Variants in CDYL observed in about 807,000 individuals in gnomAD.
CDYL encodes the protein chromodomain Y-like protein.
In CDYL, 8 loss-of-function variants were observed where a neutral mutation model predicts 47.3. The observed-to-expected ratio is 0.17, with a 90% CI of 0.10 to 0.31. The LOEUF (loss-of-function observed/expected upper bound fraction) is 0.31, where lower values mean the gene tolerates loss of function less well. Among genes scored for constraint, CDYL ranks in the 10% least tolerant of loss-of-function variants. The probability of loss-of-function intolerance (pLI) is 1.00; values close to 1 mark genes in which losing one functional copy is unlikely to be tolerated. For synonymous variants in CDYL, 266 were observed against 265.0 expected, an observed-to-expected ratio of 1.00 and a Z score of -0.04; for missense variants, 471 against 701.4, an observed-to-expected ratio of 0.67 and a Z score of 3.71.
intron 1 of CDYL, among the ~76,000 whole-genome samples, chr6:4,789,786 C>T (rs1351185110): frequency 6.6e-6 from 1 of 152,214 alleles, no homozygotes; most frequent in East Asian, 1.9e-4. Flanking sequence ...TCACCTGCCC[C>T]TGGGTAGGGC....
At position 4,863,401 on chromosome 6, in the gene CDYL, G is replaced by A. The variant is rs141284030; in HGVS notation, c.25-28312G>A. 1.1e-4 allele frequency among the ~76,000 whole-genome samples: 16 copies of A among 152,034 alleles called. 1 individual carries two copies. The highest frequency in any genetic ancestry group is 3.9e-4 in the East Asian group (2 of 5,182). ...ACTACCTCTTCCCCTTCTTTGCCTC[G>A]CTTTTCGTGGCAAAAATAGAAAAAA... On this transcript the variant is annotated intron_variant, in intron 1 of 6. Transcript: ENST00000397588.
intron 3 of CDYL, among the ~76,000 whole-genome samples, chr6:4,748,520 G>T (rs1455703613): frequency 1.3e-5 from 2 of 152,062 alleles, no homozygotes; most frequent in Admixed American, 6.6e-5. Context: ...ACAGGAGTAT[G>T]ATGGCATTGG....
At chr6:4,873,180 C>T (rs1413693398) in intron 1 of CDYL, among the ~76,000 whole-genome samples, 2 of 152,148 alleles carry the variant, frequency 1.3e-5, no homozygotes, top group East Asian at 1.9e-4. Context: ...CTTGTTAGAA[C>T]AAAACACTAG....
chr6:4,933,005 C>T (rs1355855478), intron 2 of CDYL, among the ~76,000 whole-genome samples: 1 of 152,200 alleles, frequency 6.6e-6, no homozygotes, highest in Non-Finnish European at 1.5e-5. Context: ...CTTCTGCATT[C>T]TCCTCCACCT....
chr6:4,729,187 C>T (rs1360824537), intron 2 of CDYL, among the ~76,000 whole-genome samples: 1 of 152,142 alleles, frequency 6.6e-6, no homozygotes, highest in Non-Finnish European at 1.5e-5. Context: ...AACACACAAA[C>T]CCAGCTCTGT....
intron 2 of CDYL, among the ~76,000 whole-genome samples, chr6:4,717,703 CAAAAAAAAAAAAAA>C (rs200835710): frequency 9.7e-4 from 48 of 49,344 alleles, no homozygotes; most frequent in South Asian, 4.0e-3. Flanking sequence ...AAGACCCTCA[CAAAAAAAAAAAAAA>C]AAAAAAAAAA....
chr6:4,918,108 G>A (rs942876090), intron 2 of CDYL, among the ~76,000 whole-genome samples: 2 of 152,166 alleles, frequency 1.3e-5, no homozygotes, highest in Non-Finnish European at 2.9e-5. Flanking sequence ...AACAATAGTT[G>A]CAAAAGCCAG....
rs891391393 is a variant in CDYL at position 4,952,147 on chromosome 6, C to T, written c.1333-119C>T. 3 of 1,195,564 alleles carry T rather than the reference C, an allele frequency of 2.5e-6. 1 individual carries two copies. The Admixed American group carries it at 7.4e-5, about 30-fold the overall frequency. The allele number at this position is 1,195,564 out of a possible 1,614,324, so 74.1% of individuals were successfully genotyped here. ...CCAGCGGCCCCTAGAGGATGTGCCC[C>T]ATTTCCCTGCGGGGCTGGTATTTGT... On this transcript the variant is annotated intron_variant, in intron 5 of 6. Coordinates refer to ENST00000397588, the MANE Select transcript of CDYL (RefSeq NM_004824.4).
rs185238261 is a variant in CDYL at position 4,914,044 on chromosome 6, T to C, written c.692-21471T>C. 1.1e-4 allele frequency among the ~76,000 whole-genome samples: 16 copies of C among 152,270 alleles called. No individual in the cohort carries two copies. In the East Asian group the frequency reaches 1.4e-3, roughly 13 times the overall value. On this transcript the variant is annotated intron_variant, in intron 2 of 6. Coordinates refer to ENST00000397588, the MANE Select transcript of CDYL (RefSeq NM_004824.4). ...TTCTCCTCTCCTAGGAGTGGACTAT[T>C]GTTGATTTTTACTTGGTTCTTGCTA...
chr6:4,887,019 T>C (rs9504281), intron 1 of CDYL, among the ~76,000 whole-genome samples: 3,591 of 152,268 alleles, frequency 0.024, 95 homozygotes, highest in East Asian at 0.1. Flanking sequence ...ATAAGGGAGT[T>C]TATTTCAGAG....
Position 4,937,716 on chromosome 6 carries a change from C to T in CDYL, c.1100C>T (p.Thr367Ile), listed in dbSNP as rs751096522. The change falls in exon 4 of 7, where the codon ACT becomes ATT. Residue 367 changes from threonine to isoleucine, a missense_variant. Around this residue, in one of 3 missense-constraint regions of CDYL, gnomAD observed 103 missense variants for 277.1 expected, o/e 0.37. Transcript: ENST00000397588. ...RLTDDRKRES[T>I]KMAEAIRNFV... ...ACAGATGACAGGAAAAGAGAAAGCA[C>T]TAAAATGGCAGAAGCTATCAGGTAT... 3 of 1,606,802 alleles carry T rather than the reference C, an allele frequency of 1.9e-6. No homozygotes were observed. In the Admixed American group the frequency reaches 5.2e-5, roughly 28 times the overall value.
chr6:4,726,970 G>T (rs1167428023), intron 2 of CDYL, among the ~76,000 whole-genome samples: 1 of 152,148 alleles, frequency 6.6e-6, no homozygotes, highest in African/African-American at 2.4e-5. Context: ...CTAACACTAA[G>T]TAGGCTCTAA....
chr6:4,903,852 A>G (rs1014723425), intron 2 of CDYL, among the ~76,000 whole-genome samples: 1 of 152,190 alleles, frequency 6.6e-6, no homozygotes, highest in South Asian at 2.1e-4. Context: ...GATTCACTCT[A>G]TGTCCCATGC....
chr6:4,935,445 C>A, intron 2 of CDYL, 70 bp from the exon 3 acceptor site: 2 of 1,314,552 alleles, frequency 1.5e-6, no homozygotes, highest in South Asian at 1.2e-5. Context: ...TTATCCAATT[C>A]AAAGATGACA....
At chr6:4,868,236 T>A (rs1472856831) in intron 1 of CDYL, among the ~76,000 whole-genome samples, 2 of 151,980 alleles carry the variant, frequency 1.3e-5, no homozygotes, top group Non-Finnish European at 2.9e-5. Context: ...GACATAAGTG[T>A]TTAAAACTAC....
At chr6:4,837,606 A>G (rs866989546) in intron 1 of CDYL, among the ~76,000 whole-genome samples, 1 of 151,652 alleles carries the variant, frequency 6.6e-6, no homozygotes, top group Non-Finnish European at 1.5e-5. Context: ...CTGGGATTAC[A>G]GGCGAGTGTT....
At chr6:4,934,747 A>C (rs1045496214) in intron 2 of CDYL, among the ~76,000 whole-genome samples, 1 of 152,192 alleles carries the variant, frequency 6.6e-6, no homozygotes, top group African/African-American at 2.4e-5. Context: ...GGATCACTTG[A>C]GGCCAGGAGT....
At chr6:4,855,144 GGTTT>G (rs1226912782) in intron 1 of CDYL, among the ~76,000 whole-genome samples, 1 of 152,058 alleles carries the variant, frequency 6.6e-6, no homozygotes, top group East Asian at 1.9e-4. Context: ...ATTGGAGGAT[GGTTT>G]ATTTAAATTA....
intron 2 of CDYL, among the ~76,000 whole-genome samples, chr6:4,918,711 C>T (rs1581263570): frequency 6.6e-6 from 1 of 152,178 alleles, no homozygotes; most frequent in Non-Finnish European, 1.5e-5. Context: ...AAGGATTTCC[C>T]TTTCCTCAGT....
Sources: allele counts gnomAD v4.1 joint callset (sites outside exome capture counted in the v4.1 genomes callset), GRCh38; gene constraint gnomAD v4.1.1; regional missense constraint gnomAD v4.1.1; transcripts MANE v1.5; gene names NCBI Gene and HGNC (gene_info 2026-07-23, HGNC 2026-07-21).